Variants in UCKL1 observed in about 807,000 individuals in gnomAD.
UCKL1 encodes the protein uridine-cytidine kinase-like 1.
Under a neutral mutation model 59.2 loss-of-function variants are expected in UCKL1, and 65 were observed. That is an observed-to-expected ratio of 1.10 (90% CI 0.90 to 1.35). UCKL1 has a LOEUF of 1.35. Among genes scored for constraint, UCKL1 ranks in the 40% most tolerant of loss-of-function variants. The probability of loss-of-function intolerance (pLI) is 0.00; values close to 1 mark genes in which losing one functional copy is unlikely to be tolerated. For synonymous variants in UCKL1, 410 were observed against 323.1 expected, an observed-to-expected ratio of 1.27 and a Z score of -2.88; for missense variants, 703 against 784.3, an observed-to-expected ratio of 0.90 and a Z score of 1.24.
chr20:63,942,810 GAAC>G, intron 8 of UCKL1: 1 of 444,374 alleles, frequency 2.3e-6, no homozygotes, highest in Non-Finnish European at 4.8e-6. Flanking sequence ...TTTCCTCTCA[GAAC>G]AAAAGCTTCA....
At position 63,940,450 on chromosome 20, in the gene UCKL1, A is replaced by G. The variant is rs1386107861; in HGVS notation, c.1338T>C (p.Asp446=). 13 of 1,612,312 alleles carry G rather than the reference A, an allele frequency of 8.1e-6. No individual in the cohort carries two copies. The highest frequency in any genetic ancestry group is 1.1e-5 in the Non-Finnish European group (13 of 1,179,776). ...TGCAGTCCATGAGGATCACGTGGTC[A>G]TCGCTGATGTCCTTGGGCAGCCTCA... The part of the protein sequence containing the change: ...HYLRLPKDIS[D]DHVILMDCTV... Residue 446 remains aspartate (D), a synonymous_variant, in exon 13 of 15, where the codon GAT becomes GAC. Transcript: ENST00000354216.
chr20:63,951,147 C>G (rs375713036), intron 1 of UCKL1: 24 of 1,070,018 alleles, frequency 2.2e-5, no homozygotes, highest in Non-Finnish European at 2.6e-5. Flanking sequence ...CACTCACTGC[C>G]GTCCTCAGAG....
intron 1 of UCKL1, among the ~76,000 whole-genome samples, chr20:63,948,886 G>A (rs1340960345): frequency 4.6e-5 from 7 of 152,120 alleles, no homozygotes; most frequent in Non-Finnish European, 1.0e-4. Flanking sequence ...TCCAGCGTGG[G>A]AACACTGATT....
Position 63,946,648 on chromosome 20 carries a change from A to G in UCKL1, c.114-5T>C. 1 of 1,606,092 alleles carries G rather than the reference A, an allele frequency of 6.2e-7. No homozygotes were observed. Among genetic ancestry groups the G allele is most frequent in the South Asian group, 1.1e-5 (1 of 90,998 alleles). On this transcript the variant is annotated splice_region_variant and splice_polypyrimidine_tract_variant and intron_variant, in intron 1 of 14. Coordinates refer to ENST00000354216, the MANE Select transcript of UCKL1 (RefSeq NM_017859.4). The stretch of plus-strand genomic sequence containing the variant: ...TCCAGGGACTCTGCATTGCTGCTGC[A>G]GAGAGGGATGTACTCGGATGTGGCC...
chr20:63,939,871 A>C lies in UCKL1; in HGVS notation c.*105T>G. The C allele has an allele frequency of 1.5e-5, 15 of 991,444 alleles. No individual in the cohort carries two copies. Among genetic ancestry groups the C allele is most frequent in the Non-Finnish European group, 2.2e-5 (15 of 667,344 alleles). 61.4% of individuals were successfully genotyped at this position (991,444 alleles called of 1,614,324 possible). A position where few individuals can be genotyped will look rare whatever the true frequency, so the allele number is the denominator to read the frequency against. Reference sequence around the variant, plus strand: ...TTATTTATTTTATAAAATGCATAGAATAAATTATACTAGTAACATTTTAAA... The same window carrying C: ...TTATTTATTTTATAAAATGCATAGACTAAATTATACTAGTAACATTTTAAA... On this transcript the variant is annotated 3_prime_UTR_variant, in exon 15 of 15. Transcript: ENST00000354216.
intron 8 of UCKL1, chr20:63,942,408 A>C (rs1180202291): frequency 1.7e-6 from 2 of 1,173,216 alleles, no homozygotes; most frequent in Non-Finnish European, 2.1e-6. Context: ...TAGCGGGAGC[A>C]GCGGGGCAAG....
intron 8 of UCKL1, chr20:63,941,677 TG>T (rs2054491886): frequency 4.9e-6 from 1 of 203,714 alleles, no homozygotes; most frequent in Non-Finnish European, 1.1e-5. Context: ...GAGAGGGGGG[TG>T]GGGGGCAAAG....
chr20:63,951,092 A>G, intron 1 of UCKL1: 1 of 1,180,800 alleles, frequency 8.5e-7, no homozygotes, highest in Non-Finnish European at 1.0e-6. Flanking sequence ...GCAGAGGCAC[A>G]GCAGCTAGGA....
At chr20:63,944,358 G>A (rs754460597) in intron 7 of UCKL1, 39 bp downstream of exon 7, 36 of 1,530,410 alleles carry the variant, frequency 2.4e-5, no homozygotes, top group Admixed American at 4.0e-5. Context: ...GGGTAGAGGG[G>A]CTGGGGGCTA....
In UCKL1 at chr20:63,940,596, C is replaced by T. The variant is rs769616859; in HGVS notation, c.1300G>A (p.Glu434Lys). 6.2e-7 allele frequency: 1 copy of T among 1,607,994 alleles called. No homozygotes were observed. Among genetic ancestry groups the T allele is most frequent in the African/African-American group, 1.3e-5 (1 of 75,054 alleles). Residue 434 changes from glutamate (E) to lysine (K), a missense_variant and splice_region_variant, in exon 12 of 15, where the codon GAG becomes AAG. Glu to Lys is a moderately conservative substitution (Grantham distance 56). Coordinates refer to ENST00000354216, the MANE Select transcript of UCKL1 (RefSeq NM_017859.4). ...IQTNQLTGEP[E>K]LHYLRLPKDI... ...TCACCCCGGCTGCCCCCAGGCACCT[C>T]GGGCTCCCCGGTAAGCTGGTTGGTC...
At position 63,944,457 on chromosome 20, in the gene UCKL1, CCCTGGGGCGG is replaced by C. The variant is rs1288096573; in HGVS notation, c.845-9_845del. 1 of 1,579,028 alleles carries C rather than the reference CCCTGGGGCGG, an allele frequency of 6.3e-7. No homozygotes were observed. Among genetic ancestry groups the C allele is most frequent in the East Asian group, 2.3e-5 (1 of 43,232 alleles). On this transcript the variant is annotated splice_acceptor_variant and splice_polypyrimidine_tract_variant and coding_sequence_variant and intron_variant, in exon 7 of 15. Coordinates refer to ENST00000354216, the MANE Select transcript of UCKL1 (RefSeq NM_017859.4). LOFTEE classifies it high-confidence loss of function. ...GGTCGATGGCCACCGTGTTGCCGCT[CCCTGGGGCGG>C]GATGGGGGGGCGGGTGACCGGGGGC...
intron 1 of UCKL1, among the ~76,000 whole-genome samples, chr20:63,950,196 C>G (rs954196240): frequency 6.6e-6 from 1 of 152,178 alleles, no homozygotes; most frequent in East Asian, 1.9e-4. Flanking sequence ...GAGTCTGCAC[C>G]GAGCCCAGCC....
intron 1 of UCKL1, among the ~76,000 whole-genome samples, chr20:63,947,463 G>C (rs1452834984): frequency 6.6e-6 from 1 of 152,244 alleles, no homozygotes; most frequent in African/African-American, 2.4e-5. Flanking sequence ...AGACCAGGTT[G>C]TGCGCACACA....
rs1290406192 is a variant in UCKL1 at position 63,944,513 on chromosome 20, C to T, written c.844+32G>A. 3.1e-6 allele frequency: 5 copies of T among 1,594,092 alleles called. No individual in the cohort carries two copies. In the South Asian group the frequency reaches 4.5e-5, roughly 14 times the overall value. On this transcript the variant is annotated intron_variant, in intron 6 of 14. Transcript: ENST00000354216. The stretch of plus-strand genomic sequence containing the variant: ...GGGGCTGGGCCGTTGGCCTGCCCGA[C>T]ACCCACCCAACAGGCAGCCCAGCAG...
At chr20:63,947,823 G>GC (rs2056653953) in intron 1 of UCKL1, among the ~76,000 whole-genome samples, 1 of 152,266 alleles carries the variant, frequency 6.6e-6, no homozygotes, top group Non-Finnish European at 1.5e-5. Flanking sequence ...GAAGACACAG[G>GC]CCTAGGCTGT....
rs535410504 is a variant in UCKL1, at chr20:63,945,821, C to T, written c.566G>A (p.Ser189Asn). The change falls in exon 4 of 15, where the codon AGC (serine) becomes AAC (asparagine). Residue 189 changes from serine to asparagine, a missense_variant. By Grantham distance (46) the Ser-to-Asn change is conservative. This residue lies in a region of UCKL1 where 398 missense variants were observed against 373.0 expected (regional missense o/e 1.07). Coordinates refer to ENST00000354216, the MANE Select transcript of UCKL1 (RefSeq NM_017859.4). ...CTGGCCTACCCAGTCCTTCTTCCGG[C>T]TGTGCGTGGTGAAGTCATAAATGGG... ...KVPIYDFTTH[S>N]RKKDWKTLYG... 48 of 1,613,500 alleles carry T rather than the reference C, an allele frequency of 3.0e-5. No homozygotes were observed. In the South Asian group the frequency reaches 3.8e-4, roughly 13 times the overall value.
chr20:63,948,608 A>AAAGGGAGGGGCGTGTGT (rs1569122163), intron 1 of UCKL1: 61 of 73,628 alleles, frequency 8.3e-4, no homozygotes, highest in Non-Finnish European at 1.3e-3. Flanking sequence ...GGCGTGTGTG[A>AAAGGGAGGGGCGTGTGT]GAGGGAGGGG....
At chr20:63,944,755 G>C (rs754123968) in intron 5 of UCKL1, 21 bp from the exon 6 acceptor site, 1 of 1,610,556 alleles carries the variant, frequency 6.2e-7, no homozygotes, top group African/African-American at 1.3e-5. Flanking sequence ...CAGCGGGCCA[G>C]TGAGTGGCCA....
At chr20:63,941,336 G>C (rs1364220335) in intron 8 of UCKL1, 128 bp from the exon 9 acceptor site, 2 of 1,387,158 alleles carry the variant, frequency 1.4e-6, no homozygotes, top group East Asian at 2.6e-5. Context: ...GTGCAGAGCG[G>C]GCCTGACTTC....
Sources: gnomAD v4.1 joint callset for allele counts (sites outside exome capture counted in the v4.1 genomes callset) on GRCh38, gnomAD v4.1.1 for gene constraint, gnomAD v4.1.1 regional missense constraint, MANE v1.5 for transcripts, NCBI Gene and HGNC (gene_info 2026-07-23, HGNC 2026-07-21) for gene names.